Variants in TRAK1 observed in about 807,000 individuals in gnomAD.
TRAK1 encodes trafficking kinesin-binding protein 1.
A neutral mutation model predicts 92.1 loss-of-function variants in TRAK1; 33 were observed. That is an observed-to-expected ratio of 0.36 (90% CI 0.27 to 0.48). The LOEUF is 0.48. TRAK1 is among the 20% of genes least tolerant of loss of function. The pLI is 0.99. For missense variants in TRAK1, 1,123 were observed against 1,257.9 expected (o/e 0.89, Z 1.62); for synonymous variants, 521 against 517.3 (o/e 1.01, Z -0.10).
chr3:42,220,719 C>G, intron 15 of TRAK1: 1 of 576,850 alleles, frequency 1.7e-6, no homozygotes, highest in Non-Finnish European at 2.2e-6. Context: ...CTGGCTAACT[C>G]GGCCTTGATG....
chr3:42,191,346 T>A (rs1025531341), intron 6 of TRAK1, among the ~76,000 whole-genome samples: 36 of 152,298 alleles, frequency 2.4e-4, no homozygotes, highest in African/African-American at 8.7e-4. Flanking sequence ...GTGGTATGCG[T>A]TTTTCAGGTT....
intron 14 of TRAK1, chr3:42,210,391 A>G (rs1708877612): frequency 2.3e-6 from 3 of 1,287,820 alleles, no homozygotes; most frequent in Non-Finnish European, 2.9e-6. Flanking sequence ...AAGTGGGAGC[A>G]GGAAAGGCTG....
chr3:42,093,376 A>T (rs1331406464), intron 1 of TRAK1, among the ~76,000 whole-genome samples: 1 of 152,064 alleles, frequency 6.6e-6, no homozygotes, highest in Non-Finnish European at 1.5e-5. Flanking sequence ...GCTATAAATG[A>T]TTTGGGGGCC....
In TRAK1 at chr3:42,043,083, T is replaced by C. The variant is rs568404995; in HGVS notation, c.-519+28966T>C. ...CTTTAGAGTTCTTGCTGATCTTTCC[T>C]CTCCCTTTAAGGGTAAGGATTAGTA... On this transcript the variant is annotated intron_variant, in intron 1 of 16. Transcript: ENST00000487159. 6.6e-5 allele frequency among the ~76,000 whole-genome samples: 10 copies of C among 152,236 alleles called. No individual in the cohort carries two copies. The East Asian group carries it at 1.9e-3, about 29-fold the overall frequency.
intron 14 of TRAK1, chr3:42,210,855 C>T (rs1483492268): frequency 1.0e-6 from 1 of 978,270 alleles, no homozygotes; most frequent in Admixed American, 6.4e-5. Flanking sequence ...ACCCACTGTC[C>T]CCAAGCATTA....
chr3:42,019,074 A>G (rs1363036460), intron 1 of TRAK1, among the ~76,000 whole-genome samples: 1 of 152,172 alleles, frequency 6.6e-6, no homozygotes, highest in Non-Finnish European at 1.5e-5. Context: ...TTGAGCCAAG[A>G]TCGCACTACT....
intron 1 of TRAK1, among the ~76,000 whole-genome samples, chr3:42,110,917 C>T (rs1576406857): frequency 6.6e-6 from 1 of 152,170 alleles, no homozygotes; most frequent in East Asian, 1.9e-4. Flanking sequence ...TCTGCTCTGG[C>T]CCTGAGCAGA....
chr3:42,023,792 T>G (rs1391838152), intron 1 of TRAK1, among the ~76,000 whole-genome samples: 1 of 147,610 alleles, frequency 6.8e-6, no homozygotes, highest in African/African-American at 2.5e-5. Flanking sequence ...CTCACTCTAT[T>G]GTCCAGGCTG....
chr3:42,183,413 G>A (rs1417967120), intron 3 of TRAK1, among the ~76,000 whole-genome samples: 1 of 151,860 alleles, frequency 6.6e-6, no homozygotes, highest in African/African-American at 2.4e-5. Flanking sequence ...AAAATTAGCT[G>A]GGTGTGGTGG....
chr3:42,169,151 T>TC (rs1453415431), intron 2 of TRAK1, among the ~76,000 whole-genome samples: 1 of 151,598 alleles, frequency 6.6e-6, no homozygotes, highest in Non-Finnish European at 1.5e-5. Context: ...TCTTTCTTTT[T>TC]TTTTTTAAGT....
chr3:42,223,792 C>T lies in TRAK1; in HGVS notation c.*55C>T. The T allele has an allele frequency of 1.9e-6, 3 of 1,542,086 alleles. No homozygotes were observed. Among genetic ancestry groups the T allele is most frequent in the Non-Finnish European group, 1.8e-6 (2 of 1,135,420 alleles). ...GAGACCCACGTTCTCCTCTCTTGCT[C>T]CCACCTCCCTCTCTTCCCCCCACAG... On this transcript the variant is annotated 3_prime_UTR_variant, in exon 16 of 16. Coordinates refer to ENST00000327628, the MANE Select transcript of TRAK1 (RefSeq NM_001042646.3). This position sits in a 1 kb window ranked among gnomAD's most constrained non-coding sequence, Gnocchi z 6.1.
At chr3:42,135,646 T>G (rs1278333767) in intron 2 of TRAK1, among the ~76,000 whole-genome samples, 3 of 152,216 alleles carry the variant, frequency 2.0e-5, no homozygotes, top group Non-Finnish European at 4.4e-5. Context: ...TCGGCCTGTG[T>G]TTGTGTGGAA....
At chr3:42,154,141 CTTGT>C (rs1700268442) in intron 2 of TRAK1, among the ~76,000 whole-genome samples, 2 of 151,992 alleles carry the variant, frequency 1.3e-5, no homozygotes, top group African/African-American at 2.4e-5. Context: ...TTGTGGTGCT[CTTGT>C]TTATTTAATT....
At chr3:42,184,557 A>G in intron 3 of TRAK1, 128 bp from the exon 4 acceptor site, 1 of 932,844 alleles carries the variant, frequency 1.1e-6, no homozygotes, top group African/African-American at 1.6e-5. Context: ...GCTAACACAG[A>G]TGGTGAATTA....
chr3:42,094,667 C>T (rs1443375099), intron 1 of TRAK1, among the ~76,000 whole-genome samples: 8 of 152,054 alleles, frequency 5.3e-5, no homozygotes, highest in South Asian at 2.1e-4. Flanking sequence ...CCCCAGTGCC[C>T]GGCAAAGGTG....
intron 1 of TRAK1, among the ~76,000 whole-genome samples, chr3:42,078,635 C>T (rs1704269755): frequency 6.6e-6 from 1 of 151,726 alleles, no homozygotes; most frequent in Admixed American, 6.6e-5. Context: ...TGCCTGTAGT[C>T]CCAGCTACTC....
At chr3:42,160,258 G>T in intron 2 of TRAK1, 1 of 1,545,160 alleles carries the variant, frequency 6.5e-7, no homozygotes, top group East Asian at 2.3e-5. Context: ...CGCAGTGTGT[G>T]CCCTGGGGGC....
intron 1 of TRAK1, among the ~76,000 whole-genome samples, chr3:42,077,530 C>A (rs980047497): frequency 2.0e-5 from 3 of 152,198 alleles, no homozygotes; most frequent in Admixed American, 2.0e-4. Context: ...CTCAAGTGAC[C>A]CACCCACTTT....
intron 1 of TRAK1, among the ~76,000 whole-genome samples, chr3:42,079,796 T>G (rs9883420): frequency 2.8e-4 from 42 of 152,136 alleles, no homozygotes; most frequent in South Asian, 8.3e-4. Context: ...CTCCTTTTTT[T>G]TTGTTGTTTT....
Sources: gnomAD v4.1 joint callset for allele counts (sites outside exome capture counted in the v4.1 genomes callset) on GRCh38, gnomAD v4.1.1 for gene constraint, Gnocchi (gnomAD v3.1) non-coding constraint, MANE v1.5 for transcripts, NCBI Gene and HGNC (gene_info 2026-07-23, HGNC 2026-07-21) for gene names.